SEMA4F: variants seen among roughly 807,000 people sequenced by gnomAD.
SEMA4F encodes ssemaphorin 4F, also known as semaphorin-4F.
SEMA4F carries 51 observed loss-of-function variants against 78.4 expected under a neutral mutation model. The ratio of observed to expected loss-of-function variants is 0.65; its 90% CI spans 0.52 to 0.82. The LOEUF (loss-of-function observed/expected upper bound fraction) is 0.82. Among genes scored for constraint, SEMA4F ranks in the 40% least tolerant of loss-of-function variants. The pLI, the probability that SEMA4F is intolerant of heterozygous loss-of-function variation, is 0.00. For missense variants in SEMA4F, 938 were observed against 1,014.4 expected, an observed-to-expected ratio of 0.92 and a Z score of 1.02; for synonymous variants, 418 against 408.7, an observed-to-expected ratio of 1.02 and a Z score of -0.27.
rs901581190 is a variant in SEMA4F at position 74,679,629 on chromosome 2, C to T, written c.1733C>T (p.Ala578Val). 8 of 1,607,854 alleles carry T rather than the reference C, an allele frequency of 5.0e-6. No homozygotes were observed. In the Admixed American group the frequency reaches 5.0e-5, roughly 10 times the overall value. The change falls in exon 14 of 14, where the codon GCT (alanine) becomes GTT (valine). Residue 578 changes from alanine to valine, a missense_variant. By Grantham distance (64) the Ala-to-Val change is moderately conservative (BLOSUM62 0). Transcript: ENST00000357877. ...ERPVVFEVPV[A>V]TAAHVVLPCS... Reference sequence around the variant, plus strand: ...CCAGTAGTGTTTGAAGTTCCCGTGGCTACAGCTGCGCATGTGGTCTTGCCA... The same window carrying T: ...CCAGTAGTGTTTGAAGTTCCCGTGGTTACAGCTGCGCATGTGGTCTTGCCA...
At chr2:74,688,751 A>G (rs982998333), downstream of SEMA4F, among the ~76,000 whole-genome samples, 3 of 152,232 alleles carry the variant, frequency 2.0e-5, no homozygotes, top group African/African-American at 7.2e-5. Context: ...TTGCCCTGGC[A>G]GTTCCAATCT....
rs750146804 is a variant in SEMA4F, at chr2:74,674,672, C to T, written c.997C>T (p.Gln333Ter). The T allele has an allele frequency of 2.5e-5, 41 of 1,613,590 alleles. 1 individual carries two copies. The highest frequency in any genetic ancestry group is 8.3e-5 in the Admixed American group (5 of 59,974). ...TPIFYGIFSS[Q>*]WEGATISAVC... ...CATCTTTTATGGCATCTTTTCTTCC[C>T]AGTGGTGAGGGGTCTTGGTGTGGAG... is the stretch of plus-strand genomic sequence containing the variant. Residue 333 changes from glutamine to a stop codon, truncating the protein, a stop_gained, in exon 8 of 14, where the codon CAG becomes TAG. Coordinates refer to ENST00000357877, the MANE Select transcript of SEMA4F (RefSeq NM_004263.5). LOFTEE classifies it high-confidence loss of function.
downstream of SEMA4F, among the ~76,000 whole-genome samples, chr2:74,688,176 G>A (rs760328590): frequency 6.6e-6 from 1 of 152,058 alleles, no homozygotes; most frequent in Non-Finnish European, 1.5e-5. Context: ...CAGGTCTCTC[G>A]GATTCCAAAG....
At chr2:74,677,983 G>T (rs566581214) in intron 12 of SEMA4F, among the ~76,000 whole-genome samples, 1 of 152,124 alleles carries the variant, frequency 6.6e-6, no homozygotes, top group African/African-American at 2.4e-5. Context: ...ATCTTATGCC[G>T]TCTCTTGATC....
intron 5 of SEMA4F, among the ~76,000 whole-genome samples, chr2:74,671,056 C>T (rs927632976): frequency 1.3e-5 from 2 of 151,930 alleles, no homozygotes; most frequent in Non-Finnish European, 2.9e-5. Flanking sequence ...CTCTATTCTG[C>T]ATTTGAGGAA....
chr2:74,679,250 T>G (rs1685447956), intron 12 of SEMA4F, 26 bp from the exon 13 acceptor site: 1 of 1,582,670 alleles, frequency 6.3e-7, no homozygotes, highest in African/African-American at 1.3e-5. Context: ...TCACACTGGA[T>G]TTACCAAGCA....
In SEMA4F at chr2:74,680,124, C is replaced by G; in HGVS notation, c.2228C>G (p.Pro743Arg). 6.2e-7 allele frequency: 1 copy of G among 1,612,794 alleles called. No individual in the cohort carries two copies. The highest frequency in any genetic ancestry group is 1.3e-5 in the African/African-American group (1 of 75,032). ...RGSGFGGFSP[P>R]FLLDPCPSPA... is the part of the protein sequence containing the mutation. ...AGTGGCTTTGGTGGATTCTCACCAC[C>G]CTTCCTGCTTGATCCTTGCCCAAGC... The change falls in exon 14 of 14, where the codon CCC becomes CGC. Residue 743 changes from proline to arginine, a missense_variant. By Grantham distance (103) the Pro-to-Arg change is moderately radical. Coordinates refer to ENST00000357877, the MANE Select transcript of SEMA4F (RefSeq NM_004263.5).
the SEMA4F span, among the ~76,000 whole-genome samples, chr2:74,701,207 C>A: frequency 6.6e-6 from 1 of 152,122 alleles, no homozygotes; most frequent in African/African-American, 2.4e-5. Context: ...CACATTCCAT[C>A]CTATTGAGGT....
intron 4 of SEMA4F, 127 bp from the exon 5 acceptor site, chr2:74,662,605 T>G: frequency 1.3e-6 from 1 of 762,852 alleles, no homozygotes; most frequent in Non-Finnish European, 2.4e-6. Flanking sequence ...GGGATGATAG[T>G]TGGGGGTAGG....
chr2:74,666,412 CTT>C (rs75081488), intron 5 of SEMA4F, among the ~76,000 whole-genome samples: 12 of 143,282 alleles, frequency 8.4e-5, no homozygotes, highest in South Asian at 4.5e-4. Flanking sequence ...GGTTTTAAGT[CTT>C]TTTTTTTTTT....
At chr2:74,693,382 G>T in the SEMA4F span, among the ~76,000 whole-genome samples, 1 of 152,216 alleles carries the variant, frequency 6.6e-6, no homozygotes, top group African/African-American at 2.4e-5. Flanking sequence ...ACTTGAACCT[G>T]ATTTTATAGC....
the SEMA4F span, among the ~76,000 whole-genome samples, chr2:74,699,760 A>G: frequency 6.6e-6 from 1 of 152,192 alleles, no homozygotes; most frequent in African/African-American, 2.4e-5. Flanking sequence ...ATAGAAACTC[A>G]GGGAGGAGGG....
chr2:74,694,001 A>C, the SEMA4F span, among the ~76,000 whole-genome samples: 1 of 152,232 alleles, frequency 6.6e-6, no homozygotes, highest in Non-Finnish European at 1.5e-5. Flanking sequence ...TGAACCAGGA[A>C]GCTTTCAGCC....
chr2:74,702,548 T>A, the SEMA4F span, among the ~76,000 whole-genome samples: 1 of 152,176 alleles, frequency 6.6e-6, no homozygotes, highest in Non-Finnish European at 1.5e-5. Flanking sequence ...TGATCTCATC[T>A]AATTAGGGCC....
chr2:74,690,046 T>A, the SEMA4F span, among the ~76,000 whole-genome samples: 341 of 152,298 alleles, frequency 2.2e-3, 1 homozygote, highest in African/African-American at 8.0e-3. Flanking sequence ...CCCTGCTTCC[T>A]TAAACCCTTC....
chr2:74,686,630 A>G (rs929264751), downstream of SEMA4F, among the ~76,000 whole-genome samples: 2 of 152,208 alleles, frequency 1.3e-5, no homozygotes, highest in Admixed American at 6.5e-5. Context: ...AACCAACCCA[A>G]ATGTCCATCA....
At chr2:74,686,245 G>A (rs1338549667), downstream of SEMA4F, among the ~76,000 whole-genome samples, 1 of 152,002 alleles carries the variant, frequency 6.6e-6, no homozygotes, top group Non-Finnish European at 1.5e-5. Context: ...GACTACAGGC[G>A]CCTACCACCA....
chr2:74,692,308 AAC>A, the SEMA4F span, among the ~76,000 whole-genome samples: 1 of 152,214 alleles, frequency 6.6e-6, no homozygotes, highest in Non-Finnish European at 1.5e-5. Context: ...AAATGTGGCC[AAC>A]AGAAACGAGG....
the SEMA4F span, among the ~76,000 whole-genome samples, chr2:74,694,816 C>T: frequency 5.3e-5 from 8 of 152,220 alleles, no homozygotes; most frequent in Non-Finnish European, 1.0e-4. Context: ...CAAGCTGAAG[C>T]TTAGTCTTGC....
Sources: gnomAD v4.1 joint callset for allele counts (sites outside exome capture counted in the v4.1 genomes callset) on GRCh38, gnomAD v4.1.1 for gene constraint, MANE v1.5 for transcripts, NCBI Gene and HGNC (gene_info 2026-07-23, HGNC 2026-07-21) for gene names.